Variants in METTL5 observed in about 807,000 individuals in gnomAD.
METTL5 encodes the protein rRNA N(6)-adenosine-methyltransferase METTL5.
A neutral mutation model predicts 26.5 loss-of-function variants in METTL5; 28 were observed. That is an observed-to-expected ratio of 1.06 (90% confidence interval 0.78 to 1.45). The LOEUF (loss-of-function observed/expected upper bound fraction) is 1.45. METTL5 is among the 40% of genes most tolerant of loss of function. METTL5 has a pLI of 0.00. For synonymous variants in METTL5, 86 were observed against 82.6 expected, an observed-to-expected ratio of 1.04 and a Z score of -0.22; for missense variants, 231 against 249.9, an observed-to-expected ratio of 0.92 and a Z score of 0.51.
intron 4 of METTL5, 122 bp from the exon 5 acceptor site, chr2:169,815,650 A>G: frequency 1.6e-6 from 1 of 641,262 alleles, no homozygotes; most frequent in Non-Finnish European, 2.6e-6. Flanking sequence ...CTAGACCCTT[A>G]TAAAAATTTC....
chr2:169,815,967 A>G (rs562174786), intron 4 of METTL5, among the ~76,000 whole-genome samples: 1 of 152,336 alleles, frequency 6.6e-6, no homozygotes, highest in Non-Finnish European at 1.5e-5. Context: ...TATTCAATAC[A>G]GTAATAGGTT....
intron 4 of METTL5, 86 bp downstream of exon 4, chr2:169,819,475 G>T: frequency 1.1e-6 from 1 of 925,834 alleles, no homozygotes; most frequent in Non-Finnish European, 1.7e-6. Context: ...TAGATACTGT[G>T]GTATCTAGTA....
intron 4 of METTL5, among the ~76,000 whole-genome samples, chr2:169,817,017 G>A (rs2081518635): frequency 6.6e-6 from 1 of 152,018 alleles, no homozygotes; most frequent in Non-Finnish European, 1.5e-5. Context: ...CAGAATGGGA[G>A]AACATTTTTG....
At position 169,824,661 on chromosome 2, in the gene METTL5, C is replaced by T; in HGVS notation, c.-64G>A. The T allele has an allele frequency of 7.7e-7, 1 of 1,306,870 alleles. No homozygotes were observed. Among genetic ancestry groups the T allele is most frequent in the East Asian group, 2.3e-5 (1 of 43,262 alleles). The allele number at this position is 1,306,870 out of a possible 1,614,324, so 81.0% of individuals were successfully genotyped here. A position where few individuals can be genotyped will look rare whatever the true frequency, so the allele number is the denominator to read the frequency against. On this transcript the variant is annotated 5_prime_UTR_variant, in exon 1 of 7. Coordinates refer to ENST00000260953, the MANE Select transcript of METTL5 (RefSeq NM_014168.4). ...AGGATCTGCGGAGAAATCTATTGAACTGGGATCTTGTTTCCTCCCTACCCC... is the reference window on the plus strand; with the variant it reads ...AGGATCTGCGGAGAAATCTATTGAATTGGGATCTTGTTTCCTCCCTACCCC...
chr2:169,818,121 G>T (rs1294736379), intron 4 of METTL5, among the ~76,000 whole-genome samples: 2 of 152,172 alleles, frequency 1.3e-5, no homozygotes, highest in African/African-American at 2.4e-5. Flanking sequence ...CCTACTGGGA[G>T]TCTAGAATTT....
chr2:169,814,970 C>T (rs1004424138), intron 5 of METTL5, among the ~76,000 whole-genome samples: 4 of 152,026 alleles, frequency 2.6e-5, no homozygotes, highest in Non-Finnish European at 5.9e-5. Flanking sequence ...CGGCTCACTG[C>T]AACCTCTGCC....
At chr2:169,815,326 TCTG>T (rs2081488456) in intron 5 of METTL5, 148 bp downstream of exon 5, 1 of 593,980 alleles carries the variant, frequency 1.7e-6, no homozygotes, top group Non-Finnish European at 3.0e-6. Context: ...AAGTGTTCAT[TCTG>T]CTTTTACTCC....
chr2:169,821,345 GTTT>G, intron 2 of METTL5, 72 bp from the exon 3 acceptor site: 1 of 836,702 alleles, frequency 1.2e-6, no homozygotes, highest in Non-Finnish European at 1.8e-6. Context: ...AAAATTAGCT[GTTT>G]TTTTTTTAAA....
intron 5 of METTL5, among the ~76,000 whole-genome samples, chr2:169,814,922 T>G (rs1324392039): frequency 1.3e-5 from 2 of 151,048 alleles, no homozygotes; most frequent in Non-Finnish European, 2.9e-5. Flanking sequence ...AGACTGAGTC[T>G]CCTCTGTCAT....
intron 4 of METTL5, among the ~76,000 whole-genome samples, chr2:169,816,037 A>G (rs939728909): frequency 6.6e-6 from 1 of 151,990 alleles, no homozygotes; most frequent in Non-Finnish European, 1.5e-5. Context: ...GGTCCACTCT[A>G]TGTTTGCACA....
At chr2:169,819,454 G>T in intron 4 of METTL5, 107 bp downstream of exon 4, 1 of 750,256 alleles carries the variant, frequency 1.3e-6, no homozygotes, top group Non-Finnish European at 2.1e-6. Context: ...TGTCAAAATG[G>T]TCAGGAGAAA....
intron 1 of METTL5, among the ~76,000 whole-genome samples, chr2:169,822,972 C>T (rs531286818): frequency 1.3e-5 from 2 of 152,018 alleles, no homozygotes; most frequent in South Asian, 2.1e-4. Context: ...CTGATTCCTG[C>T]GGATCCAGAA....
intron 4 of METTL5, among the ~76,000 whole-genome samples, chr2:169,818,035 G>C (rs2081533327): frequency 2.0e-5 from 3 of 152,066 alleles, no homozygotes; most frequent in Non-Finnish European, 4.4e-5. Context: ...TAGATTTTGG[G>C]AAGCCTCCCA....
At chr2:169,818,435 T>G (rs1328007133) in intron 4 of METTL5, among the ~76,000 whole-genome samples, 1 of 152,200 alleles carries the variant, frequency 6.6e-6, no homozygotes, top group Non-Finnish European at 1.5e-5. Context: ...GATTTCCTAG[T>G]GAATCATCAA....
rs574149133 is a variant in METTL5, at chr2:169,824,865, C to G, written c.-268G>C. The G allele has an allele frequency of 6.7e-6, 2 of 299,120 alleles. No homozygotes were observed. Among genetic ancestry groups the G allele is most frequent in the African/African-American group, 2.2e-5 (1 of 45,282 alleles). The allele number at this position is 299,120 out of a possible 1,614,324, so 18.5% of individuals were successfully genotyped here. A position where few individuals can be genotyped will look rare whatever the true frequency, so the allele number is the denominator to read the frequency against. On this transcript the variant is annotated 5_prime_UTR_variant, in exon 1 of 7. Coordinates refer to ENST00000260953, the MANE Select transcript of METTL5 (RefSeq NM_014168.4). ...CAGGATCCCTCGCGCCACGACCACG[C>G]ACCTCTGGAGGCGACCCGCACCTCG...
chr2:169,820,357 A>C, intron 3 of METTL5, among the ~76,000 whole-genome samples: 1 of 152,218 alleles, frequency 6.6e-6, no homozygotes, highest in Non-Finnish European at 1.5e-5. Flanking sequence ...ACTGATGGGC[A>C]CATGTAGAAA....
At chr2:169,818,252 C>A (rs989625629) in intron 4 of METTL5, among the ~76,000 whole-genome samples, 2 of 152,186 alleles carry the variant, frequency 1.3e-5, no homozygotes, top group Non-Finnish European at 2.9e-5. Flanking sequence ...ATAATTCATG[C>A]TGGGAAAATT....
intron 5 of METTL5, among the ~76,000 whole-genome samples, chr2:169,814,635 C>A (rs1373049170): frequency 1.4e-5 from 2 of 147,572 alleles, no homozygotes; most frequent in Admixed American, 1.4e-4. Context: ...AGAGCAGTGG[C>A]GCGATCTCAG....
intron 6 of METTL5, chr2:169,812,198 A>G: frequency 3.3e-6 from 2 of 598,112 alleles, no homozygotes; most frequent in African/African-American, 1.9e-5. Context: ...TTTACACAGG[A>G]AAGTTGGTAA....
Sources: allele counts gnomAD v4.1 joint callset (sites outside exome capture counted in the v4.1 genomes callset), GRCh38; gene constraint gnomAD v4.1.1; transcripts MANE v1.5; gene names NCBI Gene and HGNC (gene_info 2026-07-23, HGNC 2026-07-21).